Variants in DYM observed in about 807,000 individuals in gnomAD.
DYM encodes the protein dymeclin.
DYM carries 78 observed loss-of-function variants against 93.1 expected under a neutral mutation model. That is an observed-to-expected ratio of 0.84 (90% CI 0.70 to 1.01). The LOEUF (loss-of-function observed/expected upper bound fraction) is 1.01. DYM is among the 50% of genes least tolerant of loss of function. DYM has a pLI of 0.00. For synonymous variants in DYM, 321 were observed against 319.7 expected (o/e 1.00, Z -0.04); for missense variants, 789 against 845.0 (o/e 0.93, Z 0.82).
chr18:49,123,482 C>T (rs2082553326), intron 15 of DYM, among the ~76,000 whole-genome samples: 1 of 152,188 alleles, frequency 6.6e-6, no homozygotes, highest in South Asian at 2.1e-4. Flanking sequence ...TTCATTCAGG[C>T]TCTTTATTTC....
chr18:49,408,777 T>G (rs564388124), intron 2 of DYM, among the ~76,000 whole-genome samples: 1 of 152,330 alleles, frequency 6.6e-6, no homozygotes, highest in Non-Finnish European at 1.5e-5. Context: ...CTATTCAACA[T>G]GACCTAAATT....
intron 1 of DYM, among the ~76,000 whole-genome samples, chr18:49,449,253 G>C (rs1006458187): frequency 1.1e-4 from 16 of 152,202 alleles, no homozygotes; most frequent in Non-Finnish European, 1.5e-4. Flanking sequence ...CTCATGAAGA[G>C]ATTTTATGTT....
intron 14 of DYM, among the ~76,000 whole-genome samples, chr18:49,197,407 G>A (rs892256345): frequency 2.0e-5 from 3 of 152,056 alleles, no homozygotes; most frequent in African/African-American, 7.2e-5. Context: ...AGCCAAAAGA[G>A]GGTGGGGCTG....
intron 16 of DYM, among the ~76,000 whole-genome samples, chr18:49,108,174 C>G (rs563451135): frequency 6.6e-6 from 1 of 152,292 alleles, no homozygotes; most frequent in Non-Finnish European, 1.5e-5. Flanking sequence ...TAGCAATGAG[C>G]GAGGCTCCAT....
At chr18:49,217,290 A>G (rs2093113294) in intron 13 of DYM, among the ~76,000 whole-genome samples, 1 of 152,228 alleles carries the variant, frequency 6.6e-6, no homozygotes, top group African/African-American at 2.4e-5. Flanking sequence ...GGTGTACCTG[A>G]AAGTGACGGG....
intron 8 of DYM, among the ~76,000 whole-genome samples, chr18:49,288,248 T>C (rs2059792802): frequency 6.6e-6 from 1 of 152,186 alleles, no homozygotes; most frequent in Admixed American, 6.5e-5. Flanking sequence ...ACTATGGCTA[T>C]ATGGTCAACA....
chr18:49,400,234 C>T (rs1042388943), intron 2 of DYM, among the ~76,000 whole-genome samples: 2 of 152,084 alleles, frequency 1.3e-5, no homozygotes, highest in African/African-American at 2.4e-5. Context: ...AGCCATAGCA[C>T]CCAGACTAAA....
At chr18:49,329,673 C>T (rs2063174681) in intron 8 of DYM, 1 of 152,228 alleles carries the variant, frequency 6.6e-6, no homozygotes, top group Non-Finnish European at 1.5e-5. Flanking sequence ...ACAAATTTCA[C>T]TCCGGAACTG....
chr18:49,356,154 GA>G (rs1032229996), intron 6 of DYM, among the ~76,000 whole-genome samples: 14 of 151,940 alleles, frequency 9.2e-5, no homozygotes, highest in African/African-American at 1.9e-4. Flanking sequence ...AAATTAAAAA[GA>G]AAAAAATCAA....
intron 10 of DYM, among the ~76,000 whole-genome samples, chr18:49,276,689 A>G (rs1438780283): frequency 6.6e-6 from 1 of 152,180 alleles, no homozygotes; most frequent in African/African-American, 2.4e-5. Context: ...AGCTGTGGCA[A>G]AATTATAAAG....
At chr18:49,424,806 G>C (rs2074099979) in intron 2 of DYM, among the ~76,000 whole-genome samples, 1 of 152,046 alleles carries the variant, frequency 6.6e-6, no homozygotes, top group Non-Finnish European at 1.5e-5. Context: ...GCTTCAAAGA[G>C]AATAAAATAC....
At chr18:49,075,498 C>T (rs1253382048) in intron 17 of DYM, among the ~76,000 whole-genome samples, 1 of 152,060 alleles carries the variant, frequency 6.6e-6, no homozygotes, top group Admixed American at 6.5e-5. Flanking sequence ...ATTATGGAGC[C>T]AAGGAAATGT....
At chr18:49,243,867 T>A (rs551636386) in intron 13 of DYM, among the ~76,000 whole-genome samples, 1 of 152,242 alleles carries the variant, frequency 6.6e-6, no homozygotes, top group East Asian at 1.9e-4. Context: ...CAGTAAGTTA[T>A]GACAGAGTTG....
chr18:49,387,648 A>G (rs2068765985), intron 3 of DYM, among the ~76,000 whole-genome samples: 1 of 152,166 alleles, frequency 6.6e-6, no homozygotes, highest in African/African-American at 2.4e-5. Context: ...ATGTGTTAGC[A>G]TTTTTTTGCA....
chr18:49,219,476 T>C (rs2093248057), intron 13 of DYM, among the ~76,000 whole-genome samples: 1 of 152,046 alleles, frequency 6.6e-6, no homozygotes, highest in Non-Finnish European at 1.5e-5. Context: ...TAGACCAATA[T>C]CCTTGATGAA....
chr18:49,190,642 T>C lies in DYM; in HGVS notation c.1625+18909A>G, dbSNP rs962502350. Reference sequence around the variant, plus strand: ...ACAAGAACGAACTTAAAAGTGAACATTTTTAAGTCTCTGTATAAATGTTAC... The same window carrying C: ...ACAAGAACGAACTTAAAAGTGAACACTTTTAAGTCTCTGTATAAATGTTAC... On this transcript the variant is annotated intron_variant, in intron 14 of 17. Transcript: ENST00000675505. Among the ~76,000 whole-genome samples, 3 of 152,294 alleles carry C rather than the reference T, an allele frequency of 2.0e-5. No homozygotes were observed. In the South Asian group the frequency reaches 6.2e-4, roughly 32 times the overall value.
chr18:49,409,283 C>CA (rs200898948), intron 2 of DYM, among the ~76,000 whole-genome samples: 6,814 of 62,728 alleles, frequency 0.11, 226 homozygotes, highest in African/African-American at 0.13. Flanking sequence ...GACTCTGTCT[C>CA]AAAAAAAAAA....
chr18:49,125,905 T>C (rs1021090841), intron 15 of DYM, among the ~76,000 whole-genome samples: 2 of 152,216 alleles, frequency 1.3e-5, no homozygotes, highest in African/African-American at 4.8e-5. Context: ...GTTATAGCTA[T>C]CATCTTCTTC....
intron 1 of DYM, among the ~76,000 whole-genome samples, chr18:49,453,364 T>C (rs1274710533): frequency 2.0e-5 from 3 of 152,166 alleles, no homozygotes; most frequent in African/African-American, 7.2e-5. Context: ...CTGCGGGAGC[T>C]TTGTTCTTTC....
Sources: gnomAD v4.1 joint callset for allele counts (sites outside exome capture counted in the v4.1 genomes callset) on GRCh38, gnomAD v4.1.1 for gene constraint, MANE v1.5 for transcripts, NCBI Gene and HGNC (gene_info 2026-07-23, HGNC 2026-07-21) for gene names.